Variants in GRXCR1 observed in about 807,000 individuals in gnomAD.
GRXCR1 encodes glutaredoxin and cysteine rich domain containing 1.
GRXCR1 carries 27 observed loss-of-function variants against 27.3 expected under a neutral mutation model. The ratio of observed to expected loss-of-function variants is 0.99; its 90% CI spans 0.73 to 1.37. GRXCR1 has a LOEUF of 1.37. Among genes scored for constraint, GRXCR1 ranks in the 40% most tolerant of loss-of-function variants. GRXCR1 has a pLI of 0.00. For missense variants in GRXCR1, 379 were observed against 354.4 expected (o/e 1.07, Z -0.56); for synonymous variants, 122 against 131.1 (o/e 0.93, Z 0.47).
At chr4:43,028,944 A>G (rs985037045) in intron 3 of GRXCR1, among the ~76,000 whole-genome samples, 6 of 152,302 alleles carry the variant, frequency 3.9e-5, no homozygotes, top group African/African-American at 1.4e-4. Flanking sequence ...GTGCCATTAG[A>G]AACGAGATAT....
intron 1 of GRXCR1, among the ~76,000 whole-genome samples, chr4:42,923,403 G>A (rs543488279): frequency 6.6e-6 from 1 of 152,198 alleles, no homozygotes; most frequent in East Asian, 1.9e-4. Flanking sequence ...GGCCCAATAA[G>A]CAAATCTCTC....
intron 3 of GRXCR1, among the ~76,000 whole-genome samples, chr4:43,023,232 T>A (rs979211156): frequency 2.0e-5 from 3 of 152,144 alleles, no homozygotes; most frequent in African/African-American, 7.2e-5. Context: ...ACTAGACATA[T>A]CCTGGCAAGT....
chr4:42,960,085 A>G (rs554783000), intron 1 of GRXCR1, among the ~76,000 whole-genome samples: 1 of 152,110 alleles, frequency 6.6e-6, no homozygotes, highest in African/African-American at 2.4e-5. Flanking sequence ...TTAGAGACAC[A>G]GAAAGGTGGT....
chr4:42,916,966 T>A (rs949964789), intron 1 of GRXCR1, among the ~76,000 whole-genome samples: 1 of 152,140 alleles, frequency 6.6e-6, no homozygotes, highest in African/African-American at 2.4e-5. Flanking sequence ...AGTATACATA[T>A]TGAGGATCAA....
chr4:42,957,890 T>A (rs1748043863), intron 1 of GRXCR1, among the ~76,000 whole-genome samples: 1 of 151,986 alleles, frequency 6.6e-6, no homozygotes. Context: ...TTAAATGCTT[T>A]GTCTGACAGG....
At chr4:42,983,072 T>C (rs1419429513) in intron 2 of GRXCR1, among the ~76,000 whole-genome samples, 203 of 151,792 alleles carry the variant, frequency 1.3e-3, no homozygotes, top group African/African-American at 4.2e-3. Context: ...AGATCCCATT[T>C]GTCAATTTTG....
chr4:42,916,627 A>G (rs954413977), intron 1 of GRXCR1, among the ~76,000 whole-genome samples: 2 of 152,130 alleles, frequency 1.3e-5, no homozygotes, highest in African/African-American at 4.8e-5. Flanking sequence ...TGGGGGCATA[A>G]TATCTGAAGG....
chr4:42,979,593 C>T (rs1321902097), intron 2 of GRXCR1, among the ~76,000 whole-genome samples: 2 of 151,810 alleles, frequency 1.3e-5, no homozygotes, highest in Non-Finnish European at 2.9e-5. Flanking sequence ...GAAATATTGG[C>T]CTATAGTTTA....
intron 3 of GRXCR1, among the ~76,000 whole-genome samples, chr4:43,022,997 C>T (rs1444146220): frequency 6.6e-6 from 1 of 152,088 alleles, no homozygotes; most frequent in East Asian, 1.9e-4. Context: ...TTTAGGTAGT[C>T]AGTATTTGAT....
chr4:42,998,808 T>C (rs1270552319), intron 2 of GRXCR1, among the ~76,000 whole-genome samples: 1 of 152,214 alleles, frequency 6.6e-6, no homozygotes. Context: ...ATCATTCTTC[T>C]TGACTATGGT....
At chr4:42,987,817 T>G (rs1711829299) in intron 2 of GRXCR1, among the ~76,000 whole-genome samples, 1 of 152,160 alleles carries the variant, frequency 6.6e-6, no homozygotes, top group East Asian at 1.9e-4. Context: ...TCAATTTAGA[T>G]CTCTACAAAA....
intron 2 of GRXCR1, among the ~76,000 whole-genome samples, chr4:42,994,530 T>TTATTGAGTTTGAATA (rs1712085416): frequency 6.6e-6 from 1 of 152,158 alleles, no homozygotes; most frequent in South Asian, 2.1e-4. Flanking sequence ...TATTCAAACT[T>TTATTGAGTTTGAATA]ACCCCACAAA....
intron 1 of GRXCR1, among the ~76,000 whole-genome samples, chr4:42,931,208 T>C (rs866205301): frequency 1.3e-5 from 2 of 152,010 alleles, no homozygotes; most frequent in African/African-American, 2.4e-5. Flanking sequence ...TTTTCTGTCC[T>C]GGTTACAGGC....
intron 1 of GRXCR1, among the ~76,000 whole-genome samples, chr4:42,925,285 G>T (rs1030749062): frequency 1.3e-5 from 2 of 151,944 alleles, no homozygotes; most frequent in South Asian, 2.1e-4. Flanking sequence ...TGGTTGGGGG[G>T]CATGAGTAAA....
intron 1 of GRXCR1, among the ~76,000 whole-genome samples, chr4:42,941,158 G>C (rs1747610188): frequency 6.6e-6 from 1 of 151,242 alleles, no homozygotes; most frequent in Admixed American, 6.6e-5. Flanking sequence ...CTACCTCACT[G>C]AGTTGTTGTG....
In GRXCR1 at chr4:42,974,947, G is replaced by C. The variant is rs745494173; in HGVS notation, c.627+11813G>C. ...CTTGAGATCTTATTGCCACAAGTCTGTTCTGTTTGTCTTATGATCTCTGTT... is the reference window on the plus strand; with the variant it reads ...CTTGAGATCTTATTGCCACAAGTCTCTTCTGTTTGTCTTATGATCTCTGTT... On this transcript the variant is annotated intron_variant, in intron 2 of 3. Coordinates refer to ENST00000399770, the MANE Select transcript of GRXCR1 (RefSeq NM_001080476.3). Among the ~76,000 whole-genome samples the C allele has an allele frequency of 1.2e-4, 18 of 152,100 alleles. 1 individual carries two copies. Among genetic ancestry groups the C allele is most frequent in the Non-Finnish European group, 2.4e-4 (16 of 68,022 alleles).
intron 1 of GRXCR1, among the ~76,000 whole-genome samples, chr4:42,922,839 T>C (rs1747049920): frequency 6.6e-6 from 1 of 152,122 alleles, no homozygotes; most frequent in Admixed American, 6.6e-5. Flanking sequence ...TTCTTTCATA[T>C]GGTGCCAGCA....
At chr4:42,923,711 C>A (rs550658853) in intron 1 of GRXCR1, among the ~76,000 whole-genome samples, 2 of 152,108 alleles carry the variant, frequency 1.3e-5, no homozygotes, top group South Asian at 2.1e-4. Flanking sequence ...CCACAAAAAC[C>A]AAATCCTCAA....
chr4:42,971,270 A>C (rs1438195492), intron 2 of GRXCR1, among the ~76,000 whole-genome samples: 1 of 152,140 alleles, frequency 6.6e-6, no homozygotes, highest in Non-Finnish European at 1.5e-5. Context: ...TGAGCCCTCC[A>C]AACTGTTCCA....
Sources: gnomAD v4.1 joint callset for allele counts (sites outside exome capture counted in the v4.1 genomes callset) on GRCh38, gnomAD v4.1.1 for gene constraint, MANE v1.5 for transcripts, NCBI Gene and HGNC (gene_info 2026-07-23, HGNC 2026-07-21) for gene names.